The following TNRC18 variants were observed in gnomAD, a reference collection of about 807,000 sequenced individuals.
TNRC18 encodes the protein trinucleotide repeat-containing gene 18 protein.
TNRC18 carries 69 observed loss-of-function variants against 226.7 expected under a neutral mutation model. The ratio of observed to expected loss-of-function variants is 0.30; its 90% CI spans 0.25 to 0.37. The LOEUF (loss-of-function observed/expected upper bound fraction) is 0.37. TNRC18 is among the 10% of genes least tolerant of loss of function. The pLI, the probability that TNRC18 is intolerant of heterozygous loss-of-function variation, is 1.00. For synonymous variants in TNRC18, 2,449 were observed against 1,927.6 expected (o/e 1.27, Z -7.09); for missense variants, 4,754 against 4,256.6 (o/e 1.12, Z -3.25).
chr7:5,410,638 G>C (rs1159225774), intron 2 of TNRC18, among the ~76,000 whole-genome samples: 2 of 151,868 alleles, frequency 1.3e-5, no homozygotes, highest in Non-Finnish European at 2.9e-5. Flanking sequence ...GACCGAGGTG[G>C]GTCAATCACC....
chr7:5,321,277 T>C, intron 21 of TNRC18, 87 bp from the exon 22 acceptor site: 1 of 991,334 alleles, frequency 1.0e-6, no homozygotes. Flanking sequence ...AGTCATCCCC[T>C]TGGAATGGAG....
At chr7:5,418,623 C>A (rs996096742) in intron 2 of TNRC18, among the ~76,000 whole-genome samples, 3 of 152,204 alleles carry the variant, frequency 2.0e-5, no homozygotes, top group African/African-American at 7.2e-5. Flanking sequence ...GCAAGTGGCT[C>A]AACCGCTCAG....
rs1779407978 is a variant in TNRC18 at position 5,381,680 on chromosome 7, C to T, written c.2153-3656G>A. ...AAAGACTGAAAGAAAGAAAAGTAAA[C>T]TCAGGTCGGGTGCAGTGACTCACGC... On this transcript the variant is annotated intron_variant, in intron 5 of 29. Transcript: ENST00000430969. 2.0e-5 allele frequency among the ~76,000 whole-genome samples: 3 copies of T among 152,038 alleles called. 1 individual carries two copies. In the South Asian group the frequency reaches 6.2e-4, roughly 32 times the overall value.
chr7:5,375,977 G>T (rs1794630513), intron 9 of TNRC18, 57 bp downstream of exon 9: 5 of 1,494,662 alleles, frequency 3.3e-6, no homozygotes, highest in Non-Finnish European at 3.6e-6. Flanking sequence ...TGACTCGTCT[G>T]CCTCGTCACC....
In TNRC18 at chr7:5,332,815, C is replaced by A. The variant is rs1280101034; in HGVS notation, c.5954G>T (p.Gly1985Val). ...CAGGTCGTCGTCGCTGGCCTCGGGC[C>A]CCGCCTCGAAGCCAGGCTCCTTGGG... ...RGPKEPGFEAGPEASDDDLWT... is the reference protein window; with the variant it reads ...RGPKEPGFEAVPEASDDDLWT... Residue 1985 changes from glycine to valine, a missense_variant, in exon 19 of 30, where the codon GGG becomes GTG. Transcript: ENST00000430969. The A allele has an allele frequency of 1.3e-6, 2 of 1,509,282 alleles. No homozygotes were observed. Among genetic ancestry groups the A allele is most frequent in the Admixed American group, 2.2e-5 (1 of 46,156 alleles). 93.5% of individuals were successfully genotyped at this position (1,509,282 alleles called of 1,614,324 possible).
Position 5,376,023 on chromosome 7 carries a change from C to A in TNRC18, c.2799+11G>T. The stretch of plus-strand genomic sequence containing the variant: ...CCCAGAGGGAGCTGCGCCTCATCCT[C>A]CCCGACTTACCACGAGCTGGGCGCT... On this transcript the variant is annotated intron_variant, in intron 9 of 29. Transcript: ENST00000430969. The A allele has an allele frequency of 2.5e-6, 4 of 1,583,616 alleles. No homozygotes were observed. The highest frequency in any genetic ancestry group is 3.4e-6 in the Non-Finnish European group (4 of 1,166,800).
chr7:5,381,672 A>G (rs1371772851), intron 5 of TNRC18, among the ~76,000 whole-genome samples: 1 of 152,230 alleles, frequency 6.6e-6, no homozygotes, highest in Admixed American at 6.5e-5. Flanking sequence ...GAAAGAAAGA[A>G]AAGTAAACTC....
At chr7:5,386,516 G>C (rs1178839111) in intron 5 of TNRC18, among the ~76,000 whole-genome samples, 1 of 151,696 alleles carries the variant, frequency 6.6e-6, no homozygotes, top group Non-Finnish European at 1.5e-5. Flanking sequence ...AGAGGTCGCA[G>C]TGAGCCAAGA....
At position 5,374,039 on chromosome 7, in the gene TNRC18, C is replaced by G. The variant is rs201678813; in HGVS notation, c.3229+16G>C. ...AGGGGCAGAGTGAGACCCTGAGGGT[C>G]TCAGCTGCATCCTACCTGAGAACAG... is the stretch of plus-strand genomic sequence containing the variant. On this transcript the variant is annotated intron_variant, in intron 10 of 29. Coordinates refer to ENST00000430969, the MANE Select transcript of TNRC18 (RefSeq NM_001080495.3). The G allele has an allele frequency of 6.3e-4, 962 of 1,530,500 alleles. 2 individuals carry two copies. In the Middle Eastern group the frequency reaches 6.9e-3, roughly 11 times the overall value. The allele number at this position is 1,530,500 out of a possible 1,614,324, so 94.8% of individuals were successfully genotyped here. A position where few individuals can be genotyped will look rare whatever the true frequency, so the allele number is the denominator to read the frequency against.
chr7:5,374,388 C>T lies in TNRC18; in HGVS notation c.2896G>A (p.Ala966Thr), dbSNP rs747275304. 16 of 1,515,518 alleles carry T rather than the reference C, an allele frequency of 1.1e-5. No individual in the cohort carries two copies. The Admixed American group carries it at 1.7e-4, about 16-fold the overall frequency. 93.9% of individuals were successfully genotyped at this position (1,515,518 alleles called of 1,614,324 possible). A position where few individuals can be genotyped will look rare whatever the true frequency, so the allele number is the denominator to read the frequency against. ...TTCCGCGGCAGCAGCCCGGGGCCGG[C>T]GGTGGCCAGGCCAGCCTTGCCCGCA... is the stretch of plus-strand genomic sequence containing the variant. ...EAAGKAGLAT[A>T]GPGLLPRKPP... The change falls in exon 10 of 30, where the codon GCC (alanine) becomes ACC (threonine). Residue 966 changes from alanine (A) to threonine (T), a missense_variant. Ala to Thr is a moderately conservative substitution (Grantham distance 58, BLOSUM62 0). Coordinates refer to ENST00000430969, the MANE Select transcript of TNRC18 (RefSeq NM_001080495.3).
chr7:5,329,937 C>T, intron 19 of TNRC18: 1 of 471,046 alleles, frequency 2.1e-6, no homozygotes, highest in Non-Finnish European at 4.4e-6. Flanking sequence ...AGAGGCTCAC[C>T]CAGTGTCTGC....
intron 2 of TNRC18, among the ~76,000 whole-genome samples, chr7:5,410,772 T>C (rs1328388776): frequency 6.7e-6 from 1 of 149,098 alleles, no homozygotes; most frequent in Non-Finnish European, 1.5e-5. Context: ...AGGCTGAGGC[T>C]TCAGCGCTTG....
At chr7:5,379,345 A>G (rs1046326265) in intron 5 of TNRC18, among the ~76,000 whole-genome samples, 18 of 151,618 alleles carry the variant, frequency 1.2e-4, no homozygotes, top group African/African-American at 4.4e-4. Flanking sequence ...ACTCCCTATT[A>G]TGATTGCACT....
chr7:5,414,344 T>G (rs1782027296), intron 2 of TNRC18, among the ~76,000 whole-genome samples: 1 of 145,594 alleles, frequency 6.9e-6, no homozygotes, highest in African/African-American at 2.8e-5. Context: ...ATATTTTTTC[T>G]TTTCCTGAAC....
chr7:5,323,088 A>AC (rs1215012491), intron 21 of TNRC18, among the ~76,000 whole-genome samples: 1 of 152,186 alleles, frequency 6.6e-6, no homozygotes, highest in East Asian at 1.9e-4. Flanking sequence ...GGGGGTCTGC[A>AC]TGGCCACCCA....
intron 2 of TNRC18, among the ~76,000 whole-genome samples, chr7:5,409,810 A>T (rs1399610302): frequency 9.0e-6 from 1 of 110,986 alleles, no homozygotes; most frequent in African/African-American, 4.1e-5. Context: ...CCCCGTCTCT[A>T]CTAAAAAAAA....
At chr7:5,396,160 G>T (rs1278696132) in intron 2 of TNRC18, among the ~76,000 whole-genome samples, 3 of 126,782 alleles carry the variant, frequency 2.4e-5, no homozygotes, top group Non-Finnish European at 4.8e-5. Flanking sequence ...GACAGAGAGA[G>T]ACTCTGTCTC....
rs781693824 is a variant in TNRC18 at position 5,388,100 on chromosome 7, G to A, written c.1724C>T (p.Ala575Val). The A allele has an allele frequency of 1.9e-5, 29 of 1,553,410 alleles. No homozygotes were observed. In the Middle Eastern group the frequency reaches 5.0e-4, roughly 27 times the overall value. ...CGRPVADMHS[A>V]AHGSGEASAM... ...CGAGGCCTCTCCAGACCCGTGGGCC[G>A]CAGAGTGCATGTCAGCGACCGGCCG... is the stretch of plus-strand genomic sequence containing the variant. Residue 575 changes from alanine to valine, a missense_variant, in exon 5 of 30, where the codon GCG becomes GTG. By Grantham distance (64) the Ala-to-Val change is moderately conservative (BLOSUM62 0). Coordinates refer to ENST00000430969, the MANE Select transcript of TNRC18 (RefSeq NM_001080495.3).
At chr7:5,402,960 T>C (rs1781213394) in intron 2 of TNRC18, among the ~76,000 whole-genome samples, 1 of 152,094 alleles carries the variant, frequency 6.6e-6, no homozygotes, top group Non-Finnish European at 1.5e-5. Flanking sequence ...CCTGCTTCTC[T>C]ACCCTGTGCT....
Sources: allele counts gnomAD v4.1 joint callset (sites outside exome capture counted in the v4.1 genomes callset), GRCh38; gene constraint gnomAD v4.1.1; transcripts MANE v1.5; gene names NCBI Gene and HGNC (gene_info 2026-07-23, HGNC 2026-07-21).